The following PPP2R1A variants were observed in gnomAD, a reference collection of about 807,000 sequenced individuals.
The protein encoded by PPP2R1A is serine/threonine-protein phosphatase 2A 65 kDa regulatory subunit A alpha isoform.
In PPP2R1A, 15 loss-of-function variants were observed where a neutral mutation model predicts 67.1. That is an observed-to-expected ratio of 0.22 (90% confidence interval 0.15 to 0.34). The LOEUF (loss-of-function observed/expected upper bound fraction) is 0.34. Among genes scored for constraint, PPP2R1A ranks in the 10% least tolerant of loss-of-function variants. The pLI is 1.00. For missense variants in PPP2R1A, 369 were observed against 775.0 expected, an observed-to-expected ratio of 0.48 and a Z score of 6.22; for synonymous variants, 337 against 325.0, an observed-to-expected ratio of 1.04 and a Z score of -0.40.
At chr19:52,200,252 G>C (rs1188614603) in intron 1 of PPP2R1A, 1 of 152,178 alleles carries the variant, frequency 6.6e-6, no homozygotes, top group Non-Finnish European at 1.5e-5. Flanking sequence ...ACACTCATGA[G>C]CTCATTCCAT....
intron 11 of PPP2R1A, 88 bp downstream of exon 11, chr19:52,220,337 A>T: frequency 7.0e-7 from 1 of 1,420,974 alleles, no homozygotes. Flanking sequence ...GCAGTGGAGG[A>T]GGCTAGAGTC....
At chr19:52,199,318 C>T (rs2089525057) in intron 1 of PPP2R1A, among the ~76,000 whole-genome samples, 1 of 152,110 alleles carries the variant, frequency 6.6e-6, no homozygotes, top group Non-Finnish European at 1.5e-5. Context: ...AGGCGCCCGC[C>T]ACCACGCCCG....
chr19:52,196,717 C>T (rs2089499509), intron 1 of PPP2R1A, among the ~76,000 whole-genome samples: 1 of 152,124 alleles, frequency 6.6e-6, no homozygotes, highest in Non-Finnish European at 1.5e-5. Flanking sequence ...GGTGGCAATC[C>T]AGGCTGCTGT....
chr19:52,211,141 G>T lies in PPP2R1A; in HGVS notation c.271-119G>T. ...TAAAGGCTATTTTAATGAAGGTCGG[G>T]ATGGGTAATAGGGAAGTTTTCTCTG... On this transcript the variant is annotated intron_variant, in intron 3 of 14. Coordinates refer to ENST00000322088, the MANE Select transcript of PPP2R1A (RefSeq NM_014225.6). The surrounding 1 kb of genome is among the most constrained non-coding windows in gnomAD (Gnocchi z 5.3). The T allele has an allele frequency of 1.2e-6, 1 of 865,944 alleles. No individual in the cohort carries two copies. 53.6% of individuals were successfully genotyped at this position (865,944 alleles called of 1,614,324 possible).
intron 9 of PPP2R1A, among the ~76,000 whole-genome samples, chr19:52,218,133 C>T (rs1277181169): frequency 1.3e-5 from 2 of 152,180 alleles, no homozygotes; most frequent in African/African-American, 4.8e-5. Context: ...AAAAACTGGG[C>T]AGATGGTGCA....
At position 52,227,685 on chromosome 19, in the gene PPP2R1A, T is replaced by C. The variant is rs905504053; in HGVS notation, c.*1704T>C. 6.6e-6 allele frequency: 1 copy of C among 152,164 alleles called. No homozygotes were observed. Among genetic ancestry groups the C allele is most frequent in the South Asian group, 2.1e-4 (1 of 4,826 alleles). The allele number at this position is 152,164 out of a possible 1,614,324, so 9.4% of individuals were successfully genotyped here. A position where few individuals can be genotyped will look rare whatever the true frequency, so the allele number is the denominator to read the frequency against. On this transcript the variant is annotated 3_prime_UTR_variant, in exon 15 of 15. Transcript: ENST00000322088. ...CACATCCCTACCCTTTGTTAGACTT[T>C]ATTGTGCCCTAGGGGATGAGGCTGA...
At chr19:52,205,873 G>T in intron 2 of PPP2R1A, 90 bp from the exon 3 acceptor site, 3 of 1,061,648 alleles carry the variant, frequency 2.8e-6, no homozygotes, top group Non-Finnish European at 4.3e-6. Flanking sequence ...CTGACAGCCT[G>T]AGGAAGCAGA....
At chr19:52,214,729 C>CTT (rs761403678) in intron 6 of PPP2R1A, among the ~76,000 whole-genome samples, 17 of 142,600 alleles carry the variant, frequency 1.2e-4, no homozygotes, top group African/African-American at 3.3e-4. Flanking sequence ...GCGTGCCTCC[C>CTT]TTTTTTTTTT....
At chr19:52,225,865 T>C (rs1307573518) in intron 14 of PPP2R1A, 57 bp downstream of exon 14, 2 of 1,610,388 alleles carry the variant, frequency 1.2e-6, no homozygotes, top group African/African-American at 1.3e-5. Context: ...GGACAGGCAC[T>C]GGGCCTGTGG....
Position 52,221,122 on chromosome 19 carries a change from T to C in PPP2R1A, c.1507T>C (p.Phe503Leu). 6.2e-7 allele frequency: 1 copy of C among 1,614,186 alleles called. No individual in the cohort carries two copies. The highest frequency in any genetic ancestry group is 1.1e-5 in the South Asian group (1 of 91,084). Reference protein sequence around the residue: ...PNYLHRMTTLFCINVLSEVCG... With the variant: ...PNYLHRMTTLLCINVLSEVCG... ...CTACCTGCACCGCATGACTACGCTCTTCTGCATCAATGTGAGCCTTCCACC... is the reference window on the plus strand; with the variant it reads ...CTACCTGCACCGCATGACTACGCTCCTCTGCATCAATGTGAGCCTTCCACC... Residue 503 changes from phenylalanine (F) to leucine (L), a missense_variant, in exon 12 of 15, where the codon TTC becomes CTC. Phe to Leu is a conservative substitution (Grantham distance 22). This residue lies in a region of PPP2R1A where 276 missense variants were observed against 508.4 expected (regional missense o/e 0.54). Coordinates refer to ENST00000322088, the MANE Select transcript of PPP2R1A (RefSeq NM_014225.6).
chr19:52,207,886 T>C (rs1324838647), intron 3 of PPP2R1A, among the ~76,000 whole-genome samples: 1 of 151,770 alleles, frequency 6.6e-6, no homozygotes, highest in Non-Finnish European at 1.5e-5. Context: ...GGCAGGGGGG[T>C]CCTTAAACCC....
chr19:52,208,646 C>A (rs531909656), intron 3 of PPP2R1A, among the ~76,000 whole-genome samples: 67 of 152,196 alleles, frequency 4.4e-4, no homozygotes, highest in African/African-American at 1.6e-3. Flanking sequence ...ATTACAGGCA[C>A]CCATCACCAT....
At chr19:52,191,653 C>T (rs1411004763) in intron 1 of PPP2R1A, among the ~76,000 whole-genome samples, 2 of 152,190 alleles carry the variant, frequency 1.3e-5, no homozygotes, top group Admixed American at 1.3e-4. Flanking sequence ...TAGTTAATCT[C>T]TCTAGGCCTG....
Position 52,225,659 on chromosome 19 carries a change from T to C in PPP2R1A, c.1662-58T>C, listed in dbSNP as rs1600175675. 3.9e-6 allele frequency: 6 copies of C among 1,519,756 alleles called. No individual in the cohort carries two copies. The East Asian group carries it at 1.1e-4, about 29-fold the overall frequency. 94.1% of individuals were successfully genotyped at this position (1,519,756 alleles called of 1,614,324 possible). ...CTTGCCCAAGAGCCCTGTGCCCACC[T>C]GTTGCCCCAGTCCATCCTGGCTCAC... On this transcript the variant is annotated intron_variant, in intron 13 of 14. Transcript: ENST00000322088.
chr19:52,195,548 G>A (rs1341631422), intron 1 of PPP2R1A, among the ~76,000 whole-genome samples: 4 of 152,168 alleles, frequency 2.6e-5, no homozygotes, highest in Non-Finnish European at 5.9e-5. Context: ...ACTGCCCCTT[G>A]GCCCTCGCCT....
rs1979288659 is a variant in PPP2R1A, at chr19:52,226,722, AATAG to A, written c.*743_*746del. 6.1e-6 allele frequency: 1 copy of A among 163,654 alleles called. No homozygotes were observed. The highest frequency in any genetic ancestry group is 2.4e-5 in the African/African-American group (1 of 41,780). 10.1% of individuals were successfully genotyped at this position (163,654 alleles called of 1,614,324 possible). ...GGTCCAAATTGTGGCTCCTTCAGTT[AATAG>A]ACGTGTGACTAGGAGTAGCTTGTTA... On this transcript the variant is annotated 3_prime_UTR_variant, in exon 15 of 15. Transcript: ENST00000322088.
chr19:52,196,651 A>G (rs113905206), intron 1 of PPP2R1A, among the ~76,000 whole-genome samples: 64 of 152,278 alleles, frequency 4.2e-4, no homozygotes, highest in African/African-American at 1.5e-3. Context: ...AAAACTCTAA[A>G]TAACAGGGGC....
At position 52,219,651 on chromosome 19, in the gene PPP2R1A, T is replaced by C. The variant is rs1325069137; in HGVS notation, c.1129-40T>C. 1.3e-6 allele frequency: 2 copies of C among 1,570,226 alleles called. No homozygotes were observed. The highest frequency in any genetic ancestry group is 1.2e-5 in the South Asian group (1 of 86,938). ...TTCCATCCTGTCCTGGGTTGCTGTG[T>C]GCATTGCATTCTCTCAGAATCCTTC... On this transcript the variant is annotated intron_variant, in intron 9 of 14. Coordinates refer to ENST00000322088, the MANE Select transcript of PPP2R1A (RefSeq NM_014225.6). The surrounding 1 kb of genome is among the most constrained non-coding windows in gnomAD (Gnocchi z 4.0).
At chr19:52,207,808 A>G (rs2089619837) in intron 3 of PPP2R1A, among the ~76,000 whole-genome samples, 1 of 152,144 alleles carries the variant, frequency 6.6e-6, no homozygotes, top group Admixed American at 6.5e-5. Context: ...CAGGCCCCTA[A>G]TTCTTAGCCA....
Sources: allele counts gnomAD v4.1 joint callset (sites outside exome capture counted in the v4.1 genomes callset), GRCh38; gene constraint gnomAD v4.1.1; regional missense constraint gnomAD v4.1.1; non-coding constraint Gnocchi (gnomAD v3.1); transcripts MANE v1.5; gene names NCBI Gene and HGNC (gene_info 2026-07-23, HGNC 2026-07-21).